The following KLHL1 variants were observed in gnomAD, a reference collection of about 807,000 sequenced individuals.
KLHL1 encodes the protein kelch-like protein 1.
KLHL1 carries 47 observed loss-of-function variants against 77.7 expected under a neutral mutation model. The ratio of observed to expected loss-of-function variants is 0.60; its 90% CI spans 0.48 to 0.77. KLHL1 has a LOEUF of 0.77. Ranked by LOEUF, KLHL1 falls within the 30% of genes least tolerant of loss-of-function variation. The probability of loss-of-function intolerance (pLI) is 0.00; values close to 1 mark genes in which losing one functional copy is unlikely to be tolerated. For synonymous variants in KLHL1, 360 were observed against 325.2 expected (o/e 1.11, Z -1.15); for missense variants, 925 against 910.8 (o/e 1.02, Z -0.20).
At chr13:70,090,402 C>G (rs886701736) in intron 1 of KLHL1, among the ~76,000 whole-genome samples, 4 of 151,212 alleles carry the variant, frequency 2.6e-5, no homozygotes, top group African/African-American at 4.9e-5. Context: ...TACAACAGTA[C>G]AAAGGTGTAG....
At chr13:69,783,190 A>G (rs1216137647) in intron 7 of KLHL1, among the ~76,000 whole-genome samples, 1 of 151,728 alleles carries the variant, frequency 6.6e-6, no homozygotes, top group Non-Finnish European at 1.5e-5. Flanking sequence ...CACCATTATC[A>G]AAGATCAAAA....
intron 9 of KLHL1, 103 bp from the exon 10 acceptor site, chr13:69,707,899 C>CT (rs375418523): frequency 1.1e-3 from 886 of 836,006 alleles, no homozygotes; most frequent in South Asian, 1.7e-3. Flanking sequence ...AGGAAACTAC[C>CT]TTTTTTTTTC....
At chr13:69,785,415 T>C (rs1455231689) in intron 7 of KLHL1, among the ~76,000 whole-genome samples, 1 of 151,982 alleles carries the variant, frequency 6.6e-6, no homozygotes, top group African/African-American at 2.4e-5. Flanking sequence ...ACTGGGTACA[T>C]AACGAAATGA....
intron 1 of KLHL1, among the ~76,000 whole-genome samples, chr13:70,022,975 G>C (rs556908744): frequency 6.6e-6 from 1 of 151,934 alleles, no homozygotes; most frequent in East Asian, 1.9e-4. Flanking sequence ...TTGAAGTTTC[G>C]ATCATGTCTT....
At chr13:69,961,548 C>T in intron 2 of KLHL1, 104 bp from the exon 3 acceptor site, 1 of 1,184,304 alleles carries the variant, frequency 8.4e-7, no homozygotes, top group South Asian at 1.5e-5. Flanking sequence ...ATTGATCAAT[C>T]AATTAATGCA....
chr13:70,083,957 A>G (rs1887456378), intron 1 of KLHL1, among the ~76,000 whole-genome samples: 1 of 152,144 alleles, frequency 6.6e-6, no homozygotes, highest in South Asian at 2.1e-4. Context: ...TAATAATAAA[A>G]TTTAAAAAAC....
intron 8 of KLHL1, among the ~76,000 whole-genome samples, chr13:69,720,511 A>T (rs543898957): frequency 3.0e-4 from 46 of 152,278 alleles, no homozygotes; most frequent in African/African-American, 1.0e-3. Context: ...TAGACAGAAT[A>T]TACAAAGTAA....
rs9572251 is a variant in KLHL1, at chr13:69,728,606, C to G, written c.1803-9025G>C. Among the ~76,000 whole-genome samples the G allele has an allele frequency of 7.6e-4, 114 of 149,418 alleles. 2 individuals are homozygous for G. The East Asian group carries it at 0.022, about 29-fold the overall frequency. On this transcript the variant is annotated intron_variant, in intron 8 of 10. Coordinates refer to ENST00000377844, the MANE Select transcript of KLHL1 (RefSeq NM_020866.3). ...TCACCTGAGGTCAGGAGTTGGAGACCAACCTGGCCAACATGGTGAAACCCC... is the reference window on the plus strand; with the variant it reads ...TCACCTGAGGTCAGGAGTTGGAGACGAACCTGGCCAACATGGTGAAACCCC...
intron 7 of KLHL1, among the ~76,000 whole-genome samples, chr13:69,790,471 T>C (rs1220857291): frequency 6.6e-6 from 1 of 152,152 alleles, no homozygotes; most frequent in Non-Finnish European, 1.5e-5. Context: ...CCTTGATACC[T>C]AAACCAGACA....
At chr13:70,089,832 T>C (rs1887631713) in intron 1 of KLHL1, among the ~76,000 whole-genome samples, 1 of 152,122 alleles carries the variant, frequency 6.6e-6, no homozygotes, top group African/African-American at 2.4e-5. Context: ...ATATTTCTAC[T>C]TCCTACTTAT....
At chr13:69,989,008 A>C (rs1455428065) in intron 1 of KLHL1, among the ~76,000 whole-genome samples, 3 of 151,992 alleles carry the variant, frequency 2.0e-5, no homozygotes, top group African/African-American at 7.2e-5. Flanking sequence ...ATTTGCTTTT[A>C]GCATTTTAAC....
chr13:69,980,197 G>A (rs1055656948), intron 1 of KLHL1, among the ~76,000 whole-genome samples: 2 of 152,054 alleles, frequency 1.3e-5, no homozygotes, highest in Admixed American at 6.6e-5. Context: ...AAACAACATC[G>A]GAATCCGACA....
chr13:69,852,365 C>A (rs1247509905), intron 5 of KLHL1, among the ~76,000 whole-genome samples: 1 of 151,780 alleles, frequency 6.6e-6, no homozygotes, highest in East Asian at 1.9e-4. Context: ...TAGGATGGTC[C>A]CAGAAATACC....
intron 7 of KLHL1, among the ~76,000 whole-genome samples, chr13:69,794,731 A>T (rs150168093): frequency 6.6e-6 from 1 of 152,152 alleles, no homozygotes; most frequent in African/African-American, 2.4e-5. Flanking sequence ...TGAATTACCA[A>T]GTAGGGATAG....
At chr13:70,107,177 G>A in intron 1 of KLHL1, 26 bp downstream of exon 1, 2 of 1,553,232 alleles carry the variant, frequency 1.3e-6, no homozygotes, top group Non-Finnish European at 1.7e-6. Context: ...AGAGATGCTT[G>A]GAAGCCCCGT....
chr13:70,062,390 TAAGTA>T (rs1464728145), intron 1 of KLHL1, among the ~76,000 whole-genome samples: 1 of 152,198 alleles, frequency 6.6e-6, no homozygotes, highest in Non-Finnish European at 1.5e-5. Context: ...TGCAACCTAT[TAAGTA>T]AATTATTTAT....
At chr13:69,759,377 T>C (rs1159829982) in intron 7 of KLHL1, among the ~76,000 whole-genome samples, 1 of 152,282 alleles carries the variant, frequency 6.6e-6, no homozygotes, top group African/African-American at 2.4e-5. Context: ...CCTAAGAACA[T>C]GTAGCAGAGA....
chr13:69,966,098 C>A (rs1884203100), intron 2 of KLHL1, among the ~76,000 whole-genome samples: 1 of 152,098 alleles, frequency 6.6e-6, no homozygotes, highest in Non-Finnish European at 1.5e-5. Flanking sequence ...ACAGAAGCTG[C>A]AGCTTCTGTG....
At chr13:69,710,047 G>A (rs545438437) in intron 9 of KLHL1, among the ~76,000 whole-genome samples, 2 of 151,468 alleles carry the variant, frequency 1.3e-5, no homozygotes, top group East Asian at 1.9e-4. Context: ...TTATCATGTT[G>A]CAAATATATA....
Sources: gnomAD v4.1 joint callset for allele counts (sites outside exome capture counted in the v4.1 genomes callset) on GRCh38, gnomAD v4.1.1 for gene constraint, MANE v1.5 for transcripts, NCBI Gene and HGNC (gene_info 2026-07-23, HGNC 2026-07-21) for gene names.